The following CSMD3 variants were observed in gnomAD, a reference collection of about 807,000 sequenced individuals.
CSMD3 encodes the protein CUB and Sushi multiple domains 3.
A neutral mutation model predicts 435.2 loss-of-function variants in CSMD3; 177 were observed. The observed-to-expected ratio is 0.41, with a 90% CI of 0.36 to 0.46. The LOEUF is 0.46. CSMD3 is among the 20% of genes least tolerant of loss of function. The pLI, the probability that CSMD3 is intolerant of heterozygous loss-of-function variation, is 0.34. For synonymous variants in CSMD3, 1,656 were observed against 1,520.5 expected (o/e 1.09, Z -2.07); for missense variants, 4,265 against 4,504.6 (o/e 0.95, Z 1.52).
At chr8:113,195,840 C>CA (rs1491341981) in intron 3 of CSMD3, among the ~76,000 whole-genome samples, 105 of 140,616 alleles carry the variant, frequency 7.5e-4, no homozygotes, top group South Asian at 3.3e-3. Flanking sequence ...CACACACACA[C>CA]CCCCACACAC....
At chr8:112,336,585 T>C (rs566637021) in intron 44 of CSMD3, 67 bp downstream of exon 44, 4 of 1,245,550 alleles carry the variant, frequency 3.2e-6, no homozygotes, top group Non-Finnish European at 4.7e-6. Context: ...TTGTGATATA[T>C]TTTTATTCCA....
At chr8:113,341,252 A>G (rs928848515) in intron 1 of CSMD3, among the ~76,000 whole-genome samples, 3 of 152,118 alleles carry the variant, frequency 2.0e-5, no homozygotes, top group African/African-American at 7.2e-5. Context: ...TTAATATACA[A>G]TACCTTGCTG....
rs190389833 is a variant in CSMD3, at chr8:113,107,690, C to T, written c.710-8727G>A. Among the ~76,000 whole-genome samples, 1,048 of 152,270 alleles carry T rather than the reference C, an allele frequency of 6.9e-3. 13 individuals carry two copies. Among genetic ancestry groups the T allele is most frequent in the African/African-American group, 0.024 (993 of 41,542 alleles). ...TGTTAGTAGACCCATGCAGTTCAAA[C>T]CCTTGTTGTTCATGGGTCAAGTTTC... On this transcript the variant is annotated intron_variant, in intron 4 of 70. Transcript: ENST00000297405.
chr8:112,987,328 T>A (rs1005338387), intron 6 of CSMD3, among the ~76,000 whole-genome samples: 2 of 152,118 alleles, frequency 1.3e-5, no homozygotes, highest in Admixed American at 1.3e-4. Context: ...GAAGATACCT[T>A]TGTATTTCTC....
At chr8:112,363,356 C>A (rs1827441757) in intron 38 of CSMD3, among the ~76,000 whole-genome samples, 1 of 151,954 alleles carries the variant, frequency 6.6e-6, no homozygotes, top group African/African-American at 2.4e-5. Context: ...TACTTTTCTT[C>A]TTGTCACGAA....
chr8:112,964,326 C>G, intron 7 of CSMD3, among the ~76,000 whole-genome samples: 1 of 151,792 alleles, frequency 6.6e-6, no homozygotes, highest in East Asian at 1.9e-4. Flanking sequence ...TTAGTGTATC[C>G]TATCCTAATT....
chr8:112,419,433 T>G (rs1812247476), intron 32 of CSMD3, among the ~76,000 whole-genome samples: 1 of 152,200 alleles, frequency 6.6e-6, no homozygotes, highest in African/African-American at 2.4e-5. Flanking sequence ...CAATATGTTA[T>G]TAAAAAATTC....
At chr8:112,718,055 T>G (rs899572310) in intron 13 of CSMD3, among the ~76,000 whole-genome samples, 6 of 152,148 alleles carry the variant, frequency 3.9e-5, no homozygotes, top group African/African-American at 1.4e-4. Flanking sequence ...GTTCTGCACA[T>G]GTATCTCAGA....
intron 1 of CSMD3, among the ~76,000 whole-genome samples, chr8:113,430,581 A>T (rs1391479197): frequency 6.6e-6 from 1 of 152,132 alleles, no homozygotes; most frequent in Non-Finnish European, 1.5e-5. Flanking sequence ...CCAACTCCCA[A>T]AGCATCTGAT....
intron 3 of CSMD3, among the ~76,000 whole-genome samples, chr8:113,217,255 A>T (rs554086767): frequency 6.6e-6 from 1 of 151,850 alleles, no homozygotes; most frequent in East Asian, 1.9e-4. Flanking sequence ...ACAACATAAT[A>T]CAAACCCACT....
chr8:112,521,500 T>G (rs1335692524), intron 27 of CSMD3, among the ~76,000 whole-genome samples: 2 of 151,988 alleles, frequency 1.3e-5, no homozygotes, highest in East Asian at 1.9e-4. Flanking sequence ...CTGGCTTATT[T>G]GCTGCTCTCT....
intron 22 of CSMD3, among the ~76,000 whole-genome samples, chr8:112,634,393 T>C (rs1455740888): frequency 6.6e-6 from 1 of 152,052 alleles, no homozygotes; most frequent in African/African-American, 2.4e-5. Flanking sequence ...CATTTCTTTT[T>C]AAAGGAATAT....
intron 2 of CSMD3, among the ~76,000 whole-genome samples, chr8:113,291,837 AAT>A (rs1370022100): frequency 6.6e-6 from 1 of 151,972 alleles, no homozygotes; most frequent in East Asian, 1.9e-4. Flanking sequence ...AATAAATATC[AAT>A]AGACAAATGT....
chr8:112,983,598 G>A (rs1269450039), intron 6 of CSMD3, among the ~76,000 whole-genome samples: 1 of 150,126 alleles, frequency 6.7e-6, no homozygotes, highest in African/African-American at 2.5e-5. Flanking sequence ...ACTTTAATTA[G>A]TTTATTATTA....
intron 5 of CSMD3, among the ~76,000 whole-genome samples, chr8:113,085,682 G>T (rs146231318): frequency 0.013 from 1,967 of 152,246 alleles, 19 homozygotes; most frequent in Non-Finnish European, 0.021. Context: ...CCCATGGAAA[G>T]TTAAATACTA....
chr8:113,250,625 G>A (rs755384580), intron 3 of CSMD3, among the ~76,000 whole-genome samples: 21 of 152,114 alleles, frequency 1.4e-4, no homozygotes, highest in Non-Finnish European at 2.6e-4. Context: ...GGAAGGAGAT[G>A]GGGCCAAACA....
chr8:113,335,784 G>A (rs1482530558), intron 1 of CSMD3, among the ~76,000 whole-genome samples: 1 of 151,716 alleles, frequency 6.6e-6, no homozygotes, highest in South Asian at 2.1e-4. Flanking sequence ...GGTCAACCGT[G>A]TTGTTGAGTA....
At chr8:112,902,980 G>A (rs924815747) in intron 10 of CSMD3, among the ~76,000 whole-genome samples, 4 of 150,948 alleles carry the variant, frequency 2.6e-5, no homozygotes, top group Non-Finnish European at 5.9e-5. Context: ...TCTCCAGAAG[G>A]GAATCATTGC....
At chr8:112,703,722 A>C (rs1271131791) in intron 13 of CSMD3, among the ~76,000 whole-genome samples, 1 of 152,116 alleles carries the variant, frequency 6.6e-6, no homozygotes, top group East Asian at 1.9e-4. Flanking sequence ...TCATTACCTC[A>C]GCAACGGGTT....
Sources: allele counts gnomAD v4.1 joint callset (sites outside exome capture counted in the v4.1 genomes callset), GRCh38; gene constraint gnomAD v4.1.1; transcripts MANE v1.5; gene names NCBI Gene and HGNC (gene_info 2026-07-23, HGNC 2026-07-21).